The following TUSC3 variants were observed in gnomAD, a reference collection of about 807,000 sequenced individuals.
The protein encoded by TUSC3 is dolichyl-diphosphooligosaccharide--protein glycosyltransferase subunit TUSC3.
Under a neutral mutation model 44.8 loss-of-function variants are expected in TUSC3, and 45 were observed. The observed-to-expected ratio is 1.00, with a 90% confidence interval of 0.79 to 1.29. The LOEUF (loss-of-function observed/expected upper bound fraction) is 1.29, where lower values mean the gene tolerates loss of function less well. TUSC3 is among the 50% of genes most tolerant of loss of function. The pLI is 0.00. For synonymous variants in TUSC3, 212 were observed against 152.9 expected, an observed-to-expected ratio of 1.39 and a Z score of -2.85; for missense variants, 519 against 437.9, an observed-to-expected ratio of 1.19 and a Z score of -1.65.
At chr8:15,667,430 A>C (rs1401655662) in intron 5 of TUSC3, among the ~76,000 whole-genome samples, 1 of 151,740 alleles carries the variant, frequency 6.6e-6, no homozygotes, top group African/African-American at 2.4e-5. Context: ...ATTCACTGAT[A>C]TGCATGTCTG....
the TUSC3 span, among the ~76,000 whole-genome samples, chr8:15,776,669 C>T: frequency 6.6e-6 from 1 of 152,084 alleles, no homozygotes; most frequent in Non-Finnish European, 1.5e-5. Context: ...AATATTTTTG[C>T]CTCATCCCTA....
At chr8:15,740,909 G>A (rs2129213141) in intron 7 of TUSC3, among the ~76,000 whole-genome samples, 1 of 152,046 alleles carries the variant, frequency 6.6e-6, no homozygotes, top group Admixed American at 6.6e-5. Context: ...AATAAAATAT[G>A]GTATACTCTT....
chr8:15,687,603 C>G (rs1004823240), intron 6 of TUSC3, among the ~76,000 whole-genome samples: 1 of 152,142 alleles, frequency 6.6e-6, no homozygotes, highest in African/African-American at 2.4e-5. Flanking sequence ...TTGATCCTAA[C>G]GTCTGACTGA....
the TUSC3 span, among the ~76,000 whole-genome samples, chr8:15,783,958 G>A: frequency 6.6e-6 from 1 of 152,118 alleles, no homozygotes; most frequent in Non-Finnish European, 1.5e-5. Context: ...ATCAGATAAA[G>A]TGCTAACAGA....
At chr8:15,801,683 A>G in the TUSC3 span, among the ~76,000 whole-genome samples, 7 of 152,046 alleles carry the variant, frequency 4.6e-5, no homozygotes, top group Non-Finnish European at 1.0e-4. Context: ...GGGTTGTGAG[A>G]GCTGTATGGG....
intron 6 of TUSC3, among the ~76,000 whole-genome samples, chr8:15,676,539 C>A (rs1307269857): frequency 6.6e-6 from 1 of 152,090 alleles, no homozygotes; most frequent in African/African-American, 2.4e-5. Context: ...TCCATAAATG[C>A]TTTGCCAAGG....
chr8:15,810,332 G>T, the TUSC3 span, among the ~76,000 whole-genome samples: 1 of 152,110 alleles, frequency 6.6e-6, no homozygotes, highest in Non-Finnish European at 1.5e-5. Flanking sequence ...ATGAGATGTT[G>T]AATACTCTGG....
At chr8:15,524,552 T>C (rs779935506) in intron 2 of TUSC3, among the ~76,000 whole-genome samples, 1 of 152,210 alleles carries the variant, frequency 6.6e-6, no homozygotes, top group African/African-American at 2.4e-5. Flanking sequence ...CCAATATTAA[T>C]ATTTGGAGGA....
intron 2 of TUSC3, among the ~76,000 whole-genome samples, chr8:15,495,452 C>A (rs563389161): frequency 1.3e-5 from 2 of 152,172 alleles, no homozygotes; most frequent in Non-Finnish European, 2.9e-5. Context: ...ACCCACTGTG[C>A]CTGAACCTCC....
At chr8:15,764,152 A>G in intron 10 of TUSC3, 51 bp from the exon 11 acceptor site, 1 of 1,487,390 alleles carries the variant, frequency 6.7e-7, no homozygotes, top group Non-Finnish European at 9.3e-7. Flanking sequence ...AACATATTGT[A>G]TTTTCCTTAT....
chr8:15,503,383 C>T (rs532382265), intron 2 of TUSC3, among the ~76,000 whole-genome samples: 1 of 152,132 alleles, frequency 6.6e-6, no homozygotes, highest in East Asian at 1.9e-4. Context: ...TGGCACTGTG[C>T]TATGGCAGCC....
At chr8:15,795,559 T>G in the TUSC3 span, among the ~76,000 whole-genome samples, 1 of 152,200 alleles carries the variant, frequency 6.6e-6, no homozygotes, top group South Asian at 2.1e-4. Flanking sequence ...AGGTCATCTG[T>G]GAACTTTCTT....
intron 5 of TUSC3, 64 bp downstream of exon 5, chr8:15,662,360 T>A (rs573081034): frequency 6.2e-7 from 1 of 1,601,510 alleles, no homozygotes; most frequent in African/African-American, 1.3e-5. Context: ...AGTTGTATAA[T>A]ATTAACAAAA....
chr8:15,736,296 C>A (rs1810934782), intron 7 of TUSC3, among the ~76,000 whole-genome samples: 2 of 152,038 alleles, frequency 1.3e-5, no homozygotes, highest in African/African-American at 4.8e-5. Flanking sequence ...TTTCAAATGT[C>A]CAAAATTCAG....
At chr8:15,617,136 A>AT (rs1257975990) in intron 1 of TUSC3, among the ~76,000 whole-genome samples, 25 of 8,210 alleles carry the variant, frequency 3.0e-3, no homozygotes, top group African/African-American at 3.5e-3. Flanking sequence ...GTGTGTGTAT[A>AT]TATTTTTTTT....
At chr8:15,819,313 T>C in the TUSC3 span, among the ~76,000 whole-genome samples, 70,335 of 152,018 alleles carry the variant, frequency 0.46, 18,718 homozygotes, top group Non-Finnish European at 0.61. Context: ...ACTTTAATTT[T>C]ACAGAATTAA....
chr8:15,467,887 C>T (rs144104868), intron 1 of TUSC3, among the ~76,000 whole-genome samples: 2 of 152,154 alleles, frequency 1.3e-5, no homozygotes, highest in East Asian at 1.9e-4. Flanking sequence ...ACTTAGAATT[C>T]AACAATATAA....
intron 3 of TUSC3, among the ~76,000 whole-genome samples, chr8:15,658,453 T>G (rs1034556656): frequency 6.6e-6 from 1 of 152,172 alleles, no homozygotes. Context: ...TACTGTTGTA[T>G]CGTTTGCTTG....
intron 6 of TUSC3, among the ~76,000 whole-genome samples, chr8:15,710,748 C>T (rs1295305651): frequency 6.6e-6 from 1 of 150,704 alleles, no homozygotes; most frequent in Non-Finnish European, 1.5e-5. Flanking sequence ...ATGCACAAAT[C>T]ATAAATGTGC....
Sources: gnomAD v4.1 joint callset for allele counts (sites outside exome capture counted in the v4.1 genomes callset) on GRCh38, gnomAD v4.1.1 for gene constraint, MANE v1.5 for transcripts, NCBI Gene and HGNC (gene_info 2026-07-23, HGNC 2026-07-21) for gene names.